FHIT: variants seen among roughly 807,000 people sequenced by gnomAD.
FHIT encodes bis(5'-adenosyl)-triphosphatase.
A neutral mutation model predicts 17.9 loss-of-function variants in FHIT; 19 were observed. The ratio of observed to expected loss-of-function variants is 1.06; its 90% CI spans 0.74 to 1.56. FHIT has a LOEUF of 1.56. FHIT is among the 40% of genes most tolerant of loss of function. The pLI is 0.00. For synonymous variants in FHIT, 81 were observed against 69.7 expected (o/e 1.16, Z -0.81); for missense variants, 248 against 189.2 (o/e 1.31, Z -1.82).
intron 2 of FHIT, among the ~76,000 whole-genome samples, chr3:61,127,522 C>T (rs1388403579): frequency 6.6e-6 from 1 of 151,842 alleles, no homozygotes; most frequent in African/African-American, 2.4e-5. Flanking sequence ...GAAAACAAAC[C>T]CCCCCTGACA....
chr3:60,289,849 C>G (rs147632955), intron 5 of FHIT, among the ~76,000 whole-genome samples: 1 of 152,198 alleles, frequency 6.6e-6, no homozygotes, highest in East Asian at 1.9e-4. Flanking sequence ...GATATACAAA[C>G]TATAGTTTAG....
At chr3:59,926,699 G>T (rs576905091) in intron 7 of FHIT, among the ~76,000 whole-genome samples, 1 of 152,158 alleles carries the variant, frequency 6.6e-6, no homozygotes, top group Non-Finnish European at 1.5e-5. Context: ...AAGGCTAGGA[G>T]AACAAAATTT....
intron 7 of FHIT, among the ~76,000 whole-genome samples, chr3:59,926,972 A>G (rs964230702): frequency 6.6e-6 from 1 of 152,126 alleles, no homozygotes; most frequent in African/African-American, 2.4e-5. Context: ...TGATCCTAAT[A>G]CATACCCAAG....
chr3:60,531,360 G>T (rs962096939), intron 5 of FHIT, among the ~76,000 whole-genome samples: 8 of 144,264 alleles, frequency 5.5e-5, no homozygotes, highest in Admixed American at 1.5e-4. Flanking sequence ...CTCACTGCAA[G>T]CTCCGCCTCC....
chr3:59,908,806 C>G lies in FHIT; in HGVS notation c.348+13540G>C, dbSNP rs533912633. On this transcript the variant is annotated intron_variant, in intron 8 of 9. Coordinates refer to ENST00000492590, the MANE Select transcript of FHIT (RefSeq NM_002012.4). ...TGATGAGATGGTTTGCTTTCACAGCCAGAAATTCAACTGAACTTTGGGAGT... is the reference window on the plus strand; with the variant it reads ...TGATGAGATGGTTTGCTTTCACAGCGAGAAATTCAACTGAACTTTGGGAGT... 5.3e-5 allele frequency among the ~76,000 whole-genome samples: 8 copies of G among 152,188 alleles called. No homozygotes were observed. The South Asian group carries it at 1.7e-3, about 32-fold the overall frequency.
At chr3:60,791,502 GTATT>G (rs1176000268) in intron 4 of FHIT, among the ~76,000 whole-genome samples, 1 of 152,154 alleles carries the variant, frequency 6.6e-6, no homozygotes, top group African/African-American at 2.4e-5. Flanking sequence ...CAACTAAGAA[GTATT>G]TATTTCACAT....
intron 3 of FHIT, among the ~76,000 whole-genome samples, chr3:60,860,463 TATATATGTATATATGATA>T (rs1703673957): frequency 7.6e-6 from 1 of 131,650 alleles, no homozygotes; most frequent in African/African-American, 3.0e-5. Context: ...CATATGTACA[TATATATGTATATATGATA>T]CATATGTATC....
At chr3:60,396,018 C>G (rs979650662) in intron 5 of FHIT, among the ~76,000 whole-genome samples, 26 of 152,100 alleles carry the variant, frequency 1.7e-4, no homozygotes, top group African/African-American at 6.0e-4. Flanking sequence ...ACCACACCAA[C>G]AGCTAACACA....
intron 7 of FHIT, among the ~76,000 whole-genome samples, chr3:59,942,707 G>A (rs1414786281): frequency 1.3e-5 from 2 of 152,058 alleles, no homozygotes; most frequent in Non-Finnish European, 2.9e-5. Context: ...GGAGTGCAGT[G>A]GTGCAATCAT....
At chr3:61,119,446 T>A (rs2036392716) in intron 2 of FHIT, among the ~76,000 whole-genome samples, 1 of 152,062 alleles carries the variant, frequency 6.6e-6, no homozygotes, top group African/African-American at 2.4e-5. Flanking sequence ...ACTCCTAACC[T>A]CAAGTGATCT....
chr3:61,010,010 A>C (rs2107620729), intron 3 of FHIT, among the ~76,000 whole-genome samples: 1 of 152,298 alleles, frequency 6.6e-6, no homozygotes, highest in South Asian at 2.1e-4. Flanking sequence ...TCTTTCATAC[A>C]GCCAGAAGTT....
At chr3:60,690,488 T>G in intron 4 of FHIT, 1 of 567,028 alleles carries the variant, frequency 1.8e-6, no homozygotes, top group Non-Finnish European at 3.5e-6. Context: ...TCCCTGTAGA[T>G]GGACTTGCTA....
chr3:60,300,975 A>C (rs1373321991), intron 5 of FHIT, among the ~76,000 whole-genome samples: 2 of 151,978 alleles, frequency 1.3e-5, no homozygotes, highest in Admixed American at 6.6e-5. Flanking sequence ...ACTCATCTCT[A>C]AAAAGCAGCT....
intron 3 of FHIT, among the ~76,000 whole-genome samples, chr3:60,918,316 C>G (rs1347533291): frequency 6.6e-6 from 1 of 152,180 alleles, no homozygotes; most frequent in East Asian, 1.9e-4. Context: ...CAGCATCTAC[C>G]TGACTTTGGT....
At chr3:60,501,540 C>G (rs910796300) in intron 5 of FHIT, among the ~76,000 whole-genome samples, 16 of 152,284 alleles carry the variant, frequency 1.1e-4, no homozygotes, top group African/African-American at 3.6e-4. Context: ...ATGGAAGTCA[C>G]AATTATTTGG....
chr3:59,887,842 C>T lies in FHIT; in HGVS notation c.348+34504G>A, dbSNP rs577624678. ...GAGACCTTGCCAACTTCTGATTGAT[C>T]GTCTTCAATTCCCTTTCTCCAAGAT... On this transcript the variant is annotated intron_variant, in intron 8 of 9. Coordinates refer to ENST00000492590, the MANE Select transcript of FHIT (RefSeq NM_002012.4). Among the ~76,000 whole-genome samples the T allele has an allele frequency of 1.3e-4, 20 of 152,276 alleles. No homozygotes were observed. The South Asian group carries it at 3.3e-3, about 25-fold the overall frequency.
At chr3:60,048,240 G>A (rs1399063507) in intron 5 of FHIT, among the ~76,000 whole-genome samples, 1 of 152,164 alleles carries the variant, frequency 6.6e-6, no homozygotes, top group Non-Finnish European at 1.5e-5. Flanking sequence ...GCAGTGGCGT[G>A]ATCTCAGATC....
chr3:59,808,099 C>T (rs141947413), intron 8 of FHIT, among the ~76,000 whole-genome samples: 2 of 152,192 alleles, frequency 1.3e-5, no homozygotes, highest in African/African-American at 4.8e-5. Flanking sequence ...CCCTACCCCC[C>T]CAGTCCCTGG....
intron 4 of FHIT, among the ~76,000 whole-genome samples, chr3:60,591,639 A>C (rs1334518874): frequency 2.0e-5 from 3 of 152,108 alleles, no homozygotes; most frequent in Non-Finnish European, 4.4e-5. Context: ...TGGAAGACTA[A>C]AGTTAGTAGC....
Sources: allele counts gnomAD v4.1 joint callset (sites outside exome capture counted in the v4.1 genomes callset), GRCh38; gene constraint gnomAD v4.1.1; transcripts MANE v1.5; gene names NCBI Gene and HGNC (gene_info 2026-07-23, HGNC 2026-07-21).